GLIS3: variants seen among roughly 807,000 people sequenced by gnomAD.
The protein encoded by GLIS3 is zinc finger protein GLIS3.
A neutral mutation model predicts 78.6 loss-of-function variants in GLIS3; 53 were observed. The ratio of observed to expected loss-of-function variants is 0.67; its 90% CI spans 0.54 to 0.85. GLIS3 has a LOEUF of 0.85. GLIS3 is among the 40% of genes least tolerant of loss of function. The pLI, the probability that GLIS3 is intolerant of heterozygous loss-of-function variation, is 0.00. For synonymous variants in GLIS3, 684 were observed against 509.9 expected, an observed-to-expected ratio of 1.34 and a Z score of -4.60; for missense variants, 1,703 against 1,231.1, an observed-to-expected ratio of 1.38 and a Z score of -5.74.
chr9:4,458,355 G>A, the GLIS3 span, among the ~76,000 whole-genome samples: 2 of 152,196 alleles, frequency 1.3e-5, no homozygotes, highest in African/African-American at 4.8e-5. Flanking sequence ...GTGGTGTGGA[G>A]AGAGTCAAAT....
At chr9:4,002,931 C>T (rs141591420) in intron 4 of GLIS3, among the ~76,000 whole-genome samples, 140 of 152,338 alleles carry the variant, frequency 9.2e-4, no homozygotes, top group African/African-American at 3.2e-3. Context: ...AACGACATGG[C>T]TCTGATACTG....
the GLIS3 span, among the ~76,000 whole-genome samples, chr9:4,451,018 T>TG: frequency 1.3e-5 from 2 of 152,172 alleles, no homozygotes; most frequent in African/African-American, 4.8e-5. Context: ...TAAATGTAAA[T>TG]GGGCTAAATG....
chr9:4,185,055 A>T (rs570131360), intron 2 of GLIS3, among the ~76,000 whole-genome samples: 2 of 152,222 alleles, frequency 1.3e-5, no homozygotes, highest in African/African-American at 4.8e-5. Flanking sequence ...CTAAGATTAG[A>T]CCATTGCCAT....
chr9:4,464,311 T>C, the GLIS3 span, among the ~76,000 whole-genome samples: 3 of 151,982 alleles, frequency 2.0e-5, no homozygotes, highest in Admixed American at 1.3e-4. Context: ...TTTACCATGA[T>C]TTTGACAAGC....
chr9:4,017,791 A>T (rs546729803), intron 4 of GLIS3, among the ~76,000 whole-genome samples: 1 of 152,336 alleles, frequency 6.6e-6, no homozygotes, highest in East Asian at 1.9e-4. Flanking sequence ...GTTTTTCAAC[A>T]ATATTGAAGG....
At chr9:4,004,527 C>G (rs369122557) in intron 4 of GLIS3, among the ~76,000 whole-genome samples, 2 of 152,128 alleles carry the variant, frequency 1.3e-5, no homozygotes, top group East Asian at 1.9e-4. Flanking sequence ...GAAATCACCT[C>G]AAACAGTTGG....
chr9:4,117,640 A>G, intron 4 of GLIS3, 128 bp downstream of exon 4: 1 of 1,004,970 alleles, frequency 1.0e-6, no homozygotes, highest in South Asian at 1.3e-5. Context: ...GCTGAAGGGG[A>G]ACCCCATCTC....
intron 2 of GLIS3, among the ~76,000 whole-genome samples, chr9:4,171,053 T>A (rs1816331012): frequency 6.6e-6 from 1 of 152,216 alleles, no homozygotes; most frequent in Non-Finnish European, 1.5e-5. Flanking sequence ...ATGAGATTTA[T>A]TGCCACCCAC....
chr9:3,848,444 G>A (rs909261934), intron 9 of GLIS3, among the ~76,000 whole-genome samples: 10 of 152,230 alleles, frequency 6.6e-5, no homozygotes, highest in African/African-American at 2.4e-4. Flanking sequence ...GGAGGTTGCC[G>A]TGAGCCGAGA....
the GLIS3 span, among the ~76,000 whole-genome samples, chr9:4,461,197 A>T: frequency 6.6e-6 from 1 of 152,206 alleles, no homozygotes; most frequent in African/African-American, 2.4e-5. Flanking sequence ...GCACAAATTA[A>T]GTTTGTATCA....
At chr9:3,879,896 T>C (rs1563806800) in intron 7 of GLIS3, among the ~76,000 whole-genome samples, 1 of 152,130 alleles carries the variant, frequency 6.6e-6, no homozygotes, top group Non-Finnish European at 1.5e-5. Context: ...TTGTACTGTT[T>C]GCATCTGTGC....
intron 2 of GLIS3, among the ~76,000 whole-genome samples, chr9:4,245,351 G>T (rs1272164872): frequency 2.6e-5 from 4 of 152,174 alleles, no homozygotes; most frequent in African/African-American, 9.7e-5. Flanking sequence ...AGTTGCCTAG[G>T]AATCGGAAGA....
chr9:4,296,839 G>A (rs1172567508), intron 1 of GLIS3, among the ~76,000 whole-genome samples: 2 of 137,052 alleles, frequency 1.5e-5, no homozygotes, highest in Admixed American at 1.6e-4. Flanking sequence ...GATGACCAGT[G>A]AAAATAAATG....
At chr9:4,089,753 A>T (rs752089023) in intron 4 of GLIS3, among the ~76,000 whole-genome samples, 17 of 152,136 alleles carry the variant, frequency 1.1e-4, no homozygotes, top group South Asian at 8.3e-4. Flanking sequence ...CAGGAGTTTG[A>T]GGCTATGGTG....
intron 2 of GLIS3, among the ~76,000 whole-genome samples, chr9:4,206,213 AAGTG>A (rs1364418247): frequency 2.2e-4 from 33 of 152,240 alleles, no homozygotes; most frequent in Non-Finnish European, 1.0e-4. Flanking sequence ...GGGATATTGC[AAGTG>A]AGTATTAGCT....
chr9:4,187,317 G>A (rs538333047), intron 2 of GLIS3, among the ~76,000 whole-genome samples: 46 of 152,148 alleles, frequency 3.0e-4, no homozygotes, highest in Middle Eastern at 3.4e-3. Context: ...GATATGCTGC[G>A]TTATTTCTGA....
chr9:4,217,626 A>G (rs923675065), intron 2 of GLIS3, among the ~76,000 whole-genome samples: 4 of 152,198 alleles, frequency 2.6e-5, no homozygotes, highest in Non-Finnish European at 5.9e-5. Flanking sequence ...TGCCTTATGT[A>G]TATATTTTAG....
chr9:4,197,961 A>G (rs1271211867), intron 2 of GLIS3, among the ~76,000 whole-genome samples: 2 of 152,176 alleles, frequency 1.3e-5, no homozygotes, highest in African/African-American at 4.8e-5. Flanking sequence ...AGAGACAAAA[A>G]GAAAGAACAA....
At chr9:3,990,165 A>T (rs1820110111) in intron 4 of GLIS3, among the ~76,000 whole-genome samples, 2 of 152,242 alleles carry the variant, frequency 1.3e-5, no homozygotes, top group Non-Finnish European at 1.5e-5. Flanking sequence ...CTGCTGTACA[A>T]TGTGGAAAGA....
Sources: gnomAD v4.1 joint callset for allele counts (sites outside exome capture counted in the v4.1 genomes callset) on GRCh38, gnomAD v4.1.1 for gene constraint, MANE v1.5 for transcripts, NCBI Gene and HGNC (gene_info 2026-07-23, HGNC 2026-07-21) for gene names.